The following DOCK2 variants were observed in gnomAD, a reference collection of about 807,000 sequenced individuals.
The protein encoded by DOCK2 is dedicator of cytokinesis protein 2.
DOCK2 carries 87 observed loss-of-function variants against 248.9 expected under a neutral mutation model. The ratio of observed to expected loss-of-function variants is 0.35; its 90% confidence interval spans 0.29 to 0.42. The LOEUF is 0.42. DOCK2 is among the 10% of genes least tolerant of loss of function. The pLI, the probability that DOCK2 is intolerant of heterozygous loss-of-function variation, is 1.00. For missense variants in DOCK2, 1,747 were observed against 2,300.2 expected, an observed-to-expected ratio of 0.76 and a Z score of 4.92; for synonymous variants, 805 against 821.6, an observed-to-expected ratio of 0.98 and a Z score of 0.35.
At chr5:170,034,339 G>T in intron 34 of DOCK2, 60 bp from the exon 35 acceptor site, 1 of 1,593,484 alleles carries the variant, frequency 6.3e-7, no homozygotes. Context: ...ACCGCCCACT[G>T]GCCCCAGCAC....
intron 27 of DOCK2, among the ~76,000 whole-genome samples, chr5:169,918,774 G>A (rs548431170): frequency 2.0e-5 from 3 of 152,106 alleles, no homozygotes; most frequent in Non-Finnish European, 2.9e-5. Context: ...TTAACCAGGC[G>A]TGGTGGCAGG....
At chr5:169,710,987 A>T (rs1425944598) in intron 15 of DOCK2, among the ~76,000 whole-genome samples, 1 of 152,080 alleles carries the variant, frequency 6.6e-6, no homozygotes, top group African/African-American at 2.4e-5. Context: ...ACCCCACATG[A>T]TTGTAGCTTC....
chr5:170,057,464 G>A lies in DOCK2; in HGVS notation c.4381-116G>A, dbSNP rs78619625. ...GTCTTGCAATATTTATTCTGCTTTC[G>A]GGTAGATGGGAGGCCCGGGGACCTG... On this transcript the variant is annotated intron_variant, in intron 43 of 51. Transcript: ENST00000520908. 3.0e-3 allele frequency: 2,390 copies of A among 800,938 alleles called. 41 individuals carry two copies. The African/African-American group carries it at 0.036, about 12-fold the overall frequency. The allele number at this position is 800,938 out of a possible 1,614,324, so 49.6% of individuals were successfully genotyped here.
rs1054224963 is a variant in DOCK2 at position 169,670,525 on chromosome 5, T to C, written c.169-17T>C. 3 of 1,612,808 alleles carry C rather than the reference T, an allele frequency of 1.9e-6. No homozygotes were observed. Among genetic ancestry groups the C allele is most frequent in the Non-Finnish European group, 2.5e-6 (3 of 1,179,744 alleles). ...CTTTTTATTTTATTTTGTTTTGTTT[T>C]GTTTTGTTTCCAACAGGGCATTTTT... On this transcript the variant is annotated splice_polypyrimidine_tract_variant and intron_variant, in intron 3 of 51. Coordinates refer to ENST00000520908, the MANE Select transcript of DOCK2 (RefSeq NM_004946.3).
At chr5:169,769,690 G>A (rs913233452) in intron 25 of DOCK2, among the ~76,000 whole-genome samples, 2 of 152,220 alleles carry the variant, frequency 1.3e-5, no homozygotes, top group African/African-American at 2.4e-5. Context: ...GTATCAGCCC[G>A]CCAAGGGGCT....
At chr5:170,018,730 G>C (rs1308925182) in intron 32 of DOCK2, among the ~76,000 whole-genome samples, 2 of 152,204 alleles carry the variant, frequency 1.3e-5, no homozygotes, top group East Asian at 3.9e-4. Flanking sequence ...GCACGCCCGT[G>C]TTATTAGCCT....
At position 169,695,792 on chromosome 5, in the gene DOCK2, T is replaced by C; in HGVS notation, c.844-11T>C. ...CACATGATGGTCAATTTTTTGTTTC[T>C]TTCCCCCCAGGATCTTGGAAACAAA... On this transcript the variant is annotated splice_polypyrimidine_tract_variant and intron_variant, in intron 9 of 51. Coordinates refer to ENST00000520908, the MANE Select transcript of DOCK2 (RefSeq NM_004946.3). 1.2e-6 allele frequency: 2 copies of C among 1,612,752 alleles called. No individual in the cohort carries two copies. The highest frequency in any genetic ancestry group is 1.7e-6 in the Non-Finnish European group (2 of 1,179,640).
intron 10 of DOCK2, among the ~76,000 whole-genome samples, chr5:169,697,182 A>G (rs1286749593): frequency 6.6e-6 from 1 of 152,174 alleles, no homozygotes; most frequent in Non-Finnish European, 1.5e-5. Context: ...TTATGAATAG[A>G]TCGCTTCAGG....
chr5:169,804,485 T>TGTGTGTGTGC (rs61431388), intron 26 of DOCK2, among the ~76,000 whole-genome samples: 15 of 68,092 alleles, frequency 2.2e-4, no homozygotes, highest in African/African-American at 9.8e-5. Flanking sequence ...TGTGTGTGTG[T>TGTGTGTGTGC]GCGCGCGCGC....
intron 27 of DOCK2, among the ~76,000 whole-genome samples, chr5:169,866,295 T>A (rs574557522): frequency 1.7e-4 from 26 of 152,324 alleles, no homozygotes; most frequent in African/African-American, 6.3e-4. Flanking sequence ...CATCATTATA[T>A]TAAATTAGAA....
intron 27 of DOCK2, among the ~76,000 whole-genome samples, chr5:169,859,051 G>T (rs1336802261): frequency 2.6e-5 from 4 of 152,088 alleles, no homozygotes; most frequent in Admixed American, 6.5e-5. Context: ...AGAAGAGATT[G>T]CATGTGGGGA....
intron 27 of DOCK2, among the ~76,000 whole-genome samples, chr5:169,864,109 G>A (rs1771380541): frequency 6.6e-6 from 1 of 152,196 alleles, no homozygotes; most frequent in Non-Finnish European, 1.5e-5. Context: ...GTGGTCAGGT[G>A]TCCAGCAGCG....
At chr5:169,708,396 C>G (rs1761392764) in intron 15 of DOCK2, 129 bp downstream of exon 15, 13 of 956,594 alleles carry the variant, frequency 1.4e-5, no homozygotes, top group Non-Finnish European at 1.9e-5. Context: ...CTAATATTTC[C>G]TTCATTTTAT....
intron 32 of DOCK2, 141 bp from the exon 33 acceptor site, chr5:170,018,819 G>T: frequency 9.0e-7 from 1 of 1,110,664 alleles, no homozygotes; most frequent in East Asian, 2.4e-5. Flanking sequence ...ACGGTGCCTG[G>T]CTCATGGTAA....
At chr5:169,780,295 A>ATGTGTGTGTGTG (rs3138738) in intron 25 of DOCK2, among the ~76,000 whole-genome samples, 1 of 137,692 alleles carries the variant, frequency 7.3e-6, no homozygotes, top group African/African-American at 2.7e-5. Flanking sequence ...AACCCAATAA[A>ATGTGTGTGTGTG]TGTGTGTGTG....
At chr5:169,637,931 G>GA (rs1399636365) in intron 1 of DOCK2, among the ~76,000 whole-genome samples, 1 of 152,054 alleles carries the variant, frequency 6.6e-6, no homozygotes, top group Non-Finnish European at 1.5e-5. Context: ...AGCCTCTGGG[G>GA]AAAAAGGCTC....
At chr5:170,079,986 T>C in intron 49 of DOCK2, 177 bp from the exon 50 acceptor site, 1 of 1,074,768 alleles carries the variant, frequency 9.3e-7, no homozygotes. Context: ...GTGCAACCTG[T>C]GCAACCATAT....
chr5:169,702,195 C>T, intron 13 of DOCK2, 108 bp from the exon 14 acceptor site: 1 of 1,368,314 alleles, frequency 7.3e-7, no homozygotes, highest in Non-Finnish European at 9.9e-7. Flanking sequence ...TTAATTAATA[C>T]CAATCCAGGT....
chr5:170,000,763 T>C (rs1475574277), intron 30 of DOCK2, among the ~76,000 whole-genome samples: 1 of 152,206 alleles, frequency 6.6e-6, no homozygotes, highest in African/African-American at 2.4e-5. Flanking sequence ...GGTGTGGCCA[T>C]TTCTGCCTAG....
Sources: allele counts gnomAD v4.1 joint callset (sites outside exome capture counted in the v4.1 genomes callset), GRCh38; gene constraint gnomAD v4.1.1; transcripts MANE v1.5; gene names NCBI Gene and HGNC (gene_info 2026-07-23, HGNC 2026-07-21).